The following SLC22A23 variants were observed in gnomAD, a reference collection of about 807,000 sequenced individuals.
The protein encoded by SLC22A23 is solute carrier family 22 member 23, also known as ion transporter protein.
Under a neutral mutation model 61.0 loss-of-function variants are expected in SLC22A23, and 26 were observed. That is an observed-to-expected ratio of 0.43 (90% confidence interval 0.31 to 0.59). The LOEUF is 0.59. SLC22A23 is among the 20% of genes least tolerant of loss of function. The pLI, the probability that SLC22A23 is intolerant of heterozygous loss-of-function variation, is 0.11. For synonymous variants in SLC22A23, 430 were observed against 413.9 expected (o/e 1.04, Z -0.47); for missense variants, 796 against 934.7 (o/e 0.85, Z 1.94).
intron 5 of SLC22A23, among the ~76,000 whole-genome samples, chr6:3,293,050 A>G (rs6909994): frequency 0.36 from 54,419 of 152,134 alleles, 15,962 homozygotes; most frequent in African/African-American, 0.8. Flanking sequence ...CGCAGTGGCC[A>G]CTCGCCCAAG....
At chr6:3,435,110 C>T (rs1771121066) in intron 1 of SLC22A23, among the ~76,000 whole-genome samples, 1 of 152,130 alleles carries the variant, frequency 6.6e-6, no homozygotes, top group Non-Finnish European at 1.5e-5. Flanking sequence ...CCCAGAGGGG[C>T]AGTGTGCAGG....
Position 3,323,903 on chromosome 6 carries a change from A to C in SLC22A23, c.1013T>G (p.Leu338Arg), listed in dbSNP as rs1291668841. 7 of 1,614,228 alleles carry C rather than the reference A, an allele frequency of 4.3e-6. No homozygotes were observed. The highest frequency in any genetic ancestry group is 5.9e-6 in the Non-Finnish European group (7 of 1,180,042). The change falls in exon 4 of 10, where the codon CTG (leucine) becomes CGG (arginine). Residue 338 changes from leucine (L) to arginine (R), a missense_variant. Physicochemically the swap from Leu to Arg is moderately radical, Grantham distance 102. Coordinates refer to ENST00000406686, the MANE Select transcript of SLC22A23 (RefSeq NM_015482.2). Reference sequence around the variant, plus strand: ...CTGCAGCACCTGCCAATCCCGGCACAGGGCGGCTAGCCCAGGCATGAGGAA... The same window carrying C: ...CTGCAGCACCTGCCAATCCCGGCACCGGGCGGCTAGCCCAGGCATGAGGAA... ...GQFLMPGLAALCRDWQVLQAL... is the reference protein window; with the variant it reads ...GQFLMPGLAARCRDWQVLQAL...
intron 6 of SLC22A23, among the ~76,000 whole-genome samples, chr6:3,287,335 A>T (rs929109288): frequency 3.3e-5 from 5 of 152,242 alleles, no homozygotes; most frequent in African/African-American, 1.2e-4. Flanking sequence ...CCATGGCTTT[A>T]ATAGACAGGT....
rs544598685 is a variant in SLC22A23, at chr6:3,304,621, C to T, written c.1083-6403G>A. The stretch of plus-strand genomic sequence containing the variant: ...CCACTGAGCGAGTTGGATAGAAGCC[C>T]GCATGGCGTGGGTTGTAGTGGGGGC... On this transcript the variant is annotated intron_variant, in intron 4 of 9. Transcript: ENST00000406686. This position sits in a 1 kb window ranked among gnomAD's most constrained non-coding sequence, Gnocchi z 4.3. Among the ~76,000 whole-genome samples, 8 of 150,682 alleles carry T rather than the reference C, an allele frequency of 5.3e-5. No homozygotes were observed. Among genetic ancestry groups the T allele is most frequent in the Non-Finnish European group, 1.0e-4 (7 of 67,092 alleles).
At chr6:3,276,057 A>C (rs908080924) in intron 9 of SLC22A23, among the ~76,000 whole-genome samples, 8 of 152,232 alleles carry the variant, frequency 5.3e-5, no homozygotes, top group African/African-American at 1.9e-4. Flanking sequence ...TAACCCCAGG[A>C]AGATTCACAG....
At chr6:3,434,019 A>G (rs1299933932) in intron 1 of SLC22A23, among the ~76,000 whole-genome samples, 1 of 152,164 alleles carries the variant, frequency 6.6e-6, no homozygotes, top group African/African-American at 2.4e-5. Context: ...CCTCCACTTT[A>G]AAAAATCTGT....
At chr6:3,331,624 G>GT in intron 3 of SLC22A23, among the ~76,000 whole-genome samples, 1 of 152,288 alleles carries the variant, frequency 6.6e-6, no homozygotes. Context: ...ACTACCTTCT[G>GT]TTTTTTCTTT....
At chr6:3,435,802 G>C (rs568894060) in intron 1 of SLC22A23, among the ~76,000 whole-genome samples, 1 of 152,216 alleles carries the variant, frequency 6.6e-6, no homozygotes, top group African/African-American at 2.4e-5. Context: ...GATGATTAAA[G>C]TTAAAGTAAG....
chr6:3,286,828 T>A lies in SLC22A23; in HGVS notation c.1546+31A>T. The A allele has an allele frequency of 6.5e-7, 1 of 1,547,408 alleles. No homozygotes were observed. The highest frequency in any genetic ancestry group is 8.8e-7 in the Non-Finnish European group (1 of 1,141,348). On this transcript the variant is annotated intron_variant, in intron 7 of 9. Coordinates refer to ENST00000406686, the MANE Select transcript of SLC22A23 (RefSeq NM_015482.2). This position sits in a 1 kb window ranked among gnomAD's most constrained non-coding sequence, Gnocchi z 4.2. ...TTGGGGATCTGCCAGCTTCCCTCCCTGCACCCAGCCCACCTCCCCGACCCA... is the reference window on the plus strand; with the variant it reads ...TTGGGGATCTGCCAGCTTCCCTCCCAGCACCCAGCCCACCTCCCCGACCCA...
chr6:3,281,858 C>A (rs1010027312), intron 9 of SLC22A23, among the ~76,000 whole-genome samples: 2 of 152,182 alleles, frequency 1.3e-5, no homozygotes, highest in African/African-American at 4.8e-5. Context: ...TCATCCTCTG[C>A]AGGCACAAAA....
intron 1 of SLC22A23, chr6:3,432,144 T>TAG: frequency 1.1e-6 from 1 of 933,042 alleles, no homozygotes; most frequent in Non-Finnish European, 1.3e-6. Context: ...TTCCTCAGTG[T>TAG]AGAGGCGGTA....
intron 3 of SLC22A23, among the ~76,000 whole-genome samples, chr6:3,366,780 C>T (rs950600064): frequency 1.3e-5 from 2 of 152,162 alleles, no homozygotes; most frequent in Non-Finnish European, 2.9e-5. Context: ...ACCTCATCCC[C>T]AGCAGAAGCC....
At position 3,410,929 on chromosome 6, in the gene SLC22A23, T is replaced by G. The variant is rs1769187697; in HGVS notation, c.759-587A>C. On this transcript the variant is annotated intron_variant, in intron 2 of 9. Coordinates refer to ENST00000406686, the MANE Select transcript of SLC22A23 (RefSeq NM_015482.2). This position sits in a 1 kb window ranked among gnomAD's most constrained non-coding sequence, Gnocchi z 5.0. ...ACACTAAGGTAAGACAGCGTGAACT[T>G]TAAATGCCCAGTGACCTGATAGTGA... is the stretch of plus-strand genomic sequence containing the variant. 6.6e-6 allele frequency among the ~76,000 whole-genome samples: 1 copy of G among 152,178 alleles called. No homozygotes were observed.
chr6:3,449,392 G>A (rs190045720), intron 1 of SLC22A23, among the ~76,000 whole-genome samples: 5 of 152,150 alleles, frequency 3.3e-5, no homozygotes, highest in Admixed American at 3.3e-4. Flanking sequence ...CAGCAAACTC[G>A]AGGAAAATGG....
intron 1 of SLC22A23, among the ~76,000 whole-genome samples, chr6:3,450,444 A>C (rs1435431077): frequency 6.6e-6 from 1 of 152,090 alleles, no homozygotes; most frequent in African/African-American, 2.4e-5. Flanking sequence ...GTAGCTGGGA[A>C]TACAGACGTA....
In SLC22A23 at chr6:3,456,686, G is replaced by T; in HGVS notation, c.-127C>A. ...GCCGAGGAGGGCCCGCGGCTCGAGA[G>T]AGAGCGCTCGGCGGCTCCGGGTGCG... is the stretch of plus-strand genomic sequence containing the variant. On this transcript the variant is annotated 5_prime_UTR_variant, in exon 1 of 10. Coordinates refer to ENST00000406686, the MANE Select transcript of SLC22A23 (RefSeq NM_015482.2). This position sits in a 1 kb window ranked among gnomAD's most constrained non-coding sequence, Gnocchi z 7.1. 1 of 595,902 alleles carries T rather than the reference G, an allele frequency of 1.7e-6. No individual in the cohort carries two copies. Among genetic ancestry groups the T allele is most frequent in the South Asian group, 7.1e-5 (1 of 13,994 alleles). 36.9% of individuals were successfully genotyped at this position (595,902 alleles called of 1,614,324 possible). A position where few individuals can be genotyped will look rare whatever the true frequency, so the allele number is the denominator to read the frequency against.
In SLC22A23 at chr6:3,318,359, G is replaced by A. The variant is rs867759742; in HGVS notation, c.1082+5475C>T. On this transcript the variant is annotated intron_variant, in intron 4 of 9. Transcript: ENST00000406686. The surrounding 1 kb of genome is among the most constrained non-coding windows in gnomAD (Gnocchi z 4.3). Reference sequence around the variant, plus strand: ...CGATACCCCAACCACTTCCTGTGTCGGGCTCTCACACGTGGGCCACCATCC... The same window carrying A: ...CGATACCCCAACCACTTCCTGTGTCAGGCTCTCACACGTGGGCCACCATCC... Among the ~76,000 whole-genome samples the A allele has an allele frequency of 2.0e-5, 3 of 152,010 alleles. No homozygotes were observed. In the South Asian group the frequency reaches 6.2e-4, roughly 32 times the overall value.
chr6:3,395,572 T>C (rs550554069), intron 3 of SLC22A23, among the ~76,000 whole-genome samples: 6 of 152,302 alleles, frequency 3.9e-5, no homozygotes, highest in Non-Finnish European at 7.4e-5. Context: ...AGGAGACAGA[T>C]AGAGTAGCGC....
At position 3,427,982 on chromosome 6, in the gene SLC22A23, G is replaced by A. The variant is rs6914698; in HGVS notation, c.655-12127C>T. Among the ~76,000 whole-genome samples the A allele has an allele frequency of 0.3, 44,933 of 152,068 alleles. 8,009 individuals carry two copies. The highest frequency in any genetic ancestry group is 0.47 in the East Asian group (2,422 of 5,122). On this transcript the variant is annotated intron_variant, in intron 1 of 9. Coordinates refer to ENST00000406686, the MANE Select transcript of SLC22A23 (RefSeq NM_015482.2). This position sits in a 1 kb window ranked among gnomAD's most constrained non-coding sequence, Gnocchi z 4.3. ...CCCGACCTTCCACTTCAGTGCCTCC[G>A]GCATCCTGGGGACAAGCGGACTGAG...
Sources: allele counts gnomAD v4.1 joint callset (sites outside exome capture counted in the v4.1 genomes callset), GRCh38; gene constraint gnomAD v4.1.1; non-coding constraint Gnocchi (gnomAD v3.1); transcripts MANE v1.5; gene names NCBI Gene and HGNC (gene_info 2026-07-23, HGNC 2026-07-21).